NCK1: variants seen among roughly 807,000 people sequenced by gnomAD.
NCK1 encodes SH2/SH3 adapter protein NCK1.
NCK1 carries 19 observed loss-of-function variants against 36.6 expected under a neutral mutation model. The ratio of observed to expected loss-of-function variants is 0.52; its 90% CI spans 0.36 to 0.76. The LOEUF (loss-of-function observed/expected upper bound fraction) is 0.76, where lower values mean the gene tolerates loss of function less well. NCK1 is among the 30% of genes least tolerant of loss of function. NCK1 has a pLI of 0.00. For synonymous variants in NCK1, 165 were observed against 156.0 expected (o/e 1.06, Z -0.43); for missense variants, 358 against 445.6 (o/e 0.80, Z 1.77).
At chr3:136,935,532 G>A (rs760131178) in intron 2 of NCK1, among the ~76,000 whole-genome samples, 1 of 152,126 alleles carries the variant, frequency 6.6e-6, no homozygotes, top group Non-Finnish European at 1.5e-5. Flanking sequence ...TGGTTGATAT[G>A]GATGATGGGT....
chr3:136,950,254 GA>G lies in NCK1; in HGVS notation c.*1808del, dbSNP rs1018490563. On this transcript the variant is annotated 3_prime_UTR_variant, in exon 4 of 4. Coordinates refer to ENST00000481752, the MANE Select transcript of NCK1 (RefSeq NM_001291999.2). ...TGGGTTTTCCCCCAGTCTTCCTTATGAAAAAAATGTATGTTTGTAAAAAGAG... is the reference window on the plus strand; with the variant it reads ...TGGGTTTTCCCCCAGTCTTCCTTATGAAAAAATGTATGTTTGTAAAAAGAG... Among the ~76,000 whole-genome samples the G allele has an allele frequency of 2.0e-5, 3 of 151,922 alleles. No individual in the cohort carries two copies. The highest frequency in any genetic ancestry group is 2.1e-4 in the South Asian group (1 of 4,822).
At chr3:136,881,825 G>T (rs7434143) in intron 1 of NCK1, among the ~76,000 whole-genome samples, 102,823 of 152,056 alleles carry the variant, frequency 0.68, 35,077 homozygotes, top group East Asian at 0.87. Context: ...TGTCTTGAAG[G>T]TTCATCCGTT....
chr3:136,948,478 G>A lies in NCK1; in HGVS notation c.*25G>A, dbSNP rs765448509. The A allele has an allele frequency of 3.2e-6, 5 of 1,583,478 alleles. No homozygotes were observed. The South Asian group carries it at 4.6e-5, about 14-fold the overall frequency. On this transcript the variant is annotated 3_prime_UTR_variant, in exon 4 of 4. Transcript: ENST00000481752. ...ATACTGCTGACCAGAAGTGACTGCT[G>A]TGTAGCTGTAATTTGTCATGTAATT... is the stretch of plus-strand genomic sequence containing the variant.
chr3:136,871,390 G>A (rs550946039), intron 1 of NCK1, among the ~76,000 whole-genome samples: 6 of 151,958 alleles, frequency 3.9e-5, no homozygotes, highest in East Asian at 1.9e-4. Flanking sequence ...AGAGCGAGAC[G>A]CTGTCTAAAA....
chr3:136,868,437 C>T (rs1320322059), intron 1 of NCK1, among the ~76,000 whole-genome samples: 2 of 151,932 alleles, frequency 1.3e-5, no homozygotes, highest in Admixed American at 6.6e-5. Flanking sequence ...AAGGGATTCT[C>T]CTGCCTCAGC....
intron 2 of NCK1, among the ~76,000 whole-genome samples, chr3:136,937,926 A>G (rs1940576554): frequency 7.7e-6 from 1 of 129,718 alleles, no homozygotes; most frequent in Non-Finnish European, 1.6e-5. Context: ...AGCACTTCCA[A>G]TACAATGTTA....
rs556140318 is a variant in NCK1 at position 136,917,945 on chromosome 3, G to T, written c.-18-10039G>T. 5.3e-5 allele frequency among the ~76,000 whole-genome samples: 8 copies of T among 152,314 alleles called. No homozygotes were observed. The East Asian group carries it at 1.5e-3, about 29-fold the overall frequency. ...AGTCTCTATCTTACAACCAGTGGGT[G>T]TAAATTTCTTGTGTTGCTTCTCTGG... On this transcript the variant is annotated intron_variant, in intron 1 of 3. Transcript: ENST00000481752.
intron 1 of NCK1, among the ~76,000 whole-genome samples, chr3:136,904,174 A>G (rs762063298): frequency 3.3e-5 from 5 of 151,932 alleles, no homozygotes; most frequent in Non-Finnish European, 7.4e-5. Flanking sequence ...TTATTTTTTT[A>G]GACAGTCTCG....
At chr3:136,885,697 A>G (rs1274149830) in intron 1 of NCK1, among the ~76,000 whole-genome samples, 3 of 152,206 alleles carry the variant, frequency 2.0e-5, no homozygotes, top group Non-Finnish European at 4.4e-5. Context: ...ATGACAGTGT[A>G]TTAAAACTAC....
At chr3:136,931,998 T>C (rs1940403382) in intron 2 of NCK1, among the ~76,000 whole-genome samples, 1 of 151,338 alleles carries the variant, frequency 6.6e-6, no homozygotes, top group African/African-American at 2.4e-5. Context: ...CGGGTGCCTG[T>C]AATCCCAGCT....
At position 136,897,486 on chromosome 3, in the gene NCK1, G is replaced by A. The variant is rs1376703276; in HGVS notation, c.-18-30498G>A. On this transcript the variant is annotated intron_variant, in intron 1 of 3. Coordinates refer to ENST00000481752, the MANE Select transcript of NCK1 (RefSeq NM_001291999.2). ...TTTCCTTAATGATTAGTGATGTTGA[G>A]CATTTTTTCATATACTTGTTTGCCA... Among the ~76,000 whole-genome samples the A allele has an allele frequency of 4.6e-5, 7 of 152,066 alleles. No individual in the cohort carries two copies. The South Asian group carries it at 1.2e-3, about 27-fold the overall frequency.
chr3:136,932,167 C>T (rs1293558414), intron 2 of NCK1, among the ~76,000 whole-genome samples: 2 of 149,768 alleles, frequency 1.3e-5, no homozygotes, highest in Admixed American at 1.3e-4. Flanking sequence ...TACAGTGATT[C>T]AATATATATC....
At chr3:136,920,991 A>G (rs1940094471) in intron 1 of NCK1, among the ~76,000 whole-genome samples, 1 of 152,194 alleles carries the variant, frequency 6.6e-6, no homozygotes, top group Non-Finnish European at 1.5e-5. Flanking sequence ...AACCCCCAGT[A>G]GTTCATAATG....
intron 2 of NCK1, among the ~76,000 whole-genome samples, chr3:136,942,237 G>A (rs545567927): frequency 6.6e-6 from 1 of 152,304 alleles, no homozygotes; most frequent in South Asian, 2.1e-4. Flanking sequence ...TTGAAGGACA[G>A]TTTTGCTAAA....
intron 1 of NCK1, among the ~76,000 whole-genome samples, chr3:136,907,625 G>A (rs1305292948): frequency 1.3e-5 from 2 of 152,086 alleles, no homozygotes; most frequent in African/African-American, 2.4e-5. Flanking sequence ...AGTGCTTCTC[G>A]TCACCACCCT....
intron 3 of NCK1, 69 bp downstream of exon 3, chr3:136,946,364 G>A (rs1940826473): frequency 1.4e-6 from 2 of 1,393,890 alleles, no homozygotes; most frequent in South Asian, 2.7e-5. Flanking sequence ...AGAGAGAAAT[G>A]GAGAGGTTAA....
At chr3:136,889,978 G>T (rs1939191129) in intron 1 of NCK1, among the ~76,000 whole-genome samples, 1 of 152,224 alleles carries the variant, frequency 6.6e-6, no homozygotes, top group African/African-American at 2.4e-5. Context: ...GGAGCTGCCT[G>T]CCAGTCCTGC....
chr3:136,898,521 A>G (rs1939450852), intron 1 of NCK1, among the ~76,000 whole-genome samples: 1 of 152,212 alleles, frequency 6.6e-6, no homozygotes, highest in Non-Finnish European at 1.5e-5. Context: ...TAGAATAACC[A>G]TCTAAATAGG....
At chr3:136,910,035 C>T (rs1371250866) in intron 1 of NCK1, among the ~76,000 whole-genome samples, 1 of 152,118 alleles carries the variant, frequency 6.6e-6, no homozygotes, top group African/African-American at 2.4e-5. Context: ...TTGCCAATCT[C>T]TGTCTTTTGA....
Sources: gnomAD v4.1 joint callset for allele counts (sites outside exome capture counted in the v4.1 genomes callset) on GRCh38, gnomAD v4.1.1 for gene constraint, MANE v1.5 for transcripts, NCBI Gene and HGNC (gene_info 2026-07-23, HGNC 2026-07-21) for gene names.